ADSL: variants seen among roughly 807,000 people sequenced by gnomAD.
ADSL encodes adenylosuccinate lyase.
A neutral mutation model predicts 62.1 loss-of-function variants in ADSL; 44 were observed. That is an observed-to-expected ratio of 0.71 (90% CI 0.56 to 0.91). The LOEUF is 0.91. ADSL is among the 40% of genes least tolerant of loss of function. The pLI is 0.00. For missense variants in ADSL, 531 were observed against 627.4 expected (o/e 0.85, Z 1.64); for synonymous variants, 198 against 220.5 (o/e 0.90, Z 0.90).
intron 2 of ADSL, among the ~76,000 whole-genome samples, chr22:40,350,517 T>G (rs1942054821): frequency 6.6e-6 from 1 of 152,190 alleles, no homozygotes; most frequent in African/African-American, 2.4e-5. Flanking sequence ...AAGCACCAAA[T>G]GACCTCTATA....
At chr22:40,379,949 G>C (rs1457360852) in intron 2 of ADSL, among the ~76,000 whole-genome samples, 1 of 152,126 alleles carries the variant, frequency 6.6e-6, no homozygotes, top group East Asian at 1.9e-4. Context: ...GGGCTCAAGT[G>C]ATCCACCCTC....
chr22:40,360,429 T>C lies in ADSL; in HGVS notation c.729T>C (p.Tyr243=). The C allele has an allele frequency of 1.2e-6, 2 of 1,613,910 alleles. No homozygotes were observed. Among genetic ancestry groups the C allele is most frequent in the Middle Eastern group, 1.7e-4 (1 of 5,940 alleles). The change falls in exon 7 of 13, where the codon TAT becomes TAC. Residue 243 remains tyrosine (Y), a synonymous_variant. Coordinates refer to ENST00000623063, the MANE Select transcript of ADSL (RefSeq NM_000026.4). ...CTTTCATCATCACAGGGCAGACATATACACGAAAAGTGGATATTGAAGTAC... is the reference window on the plus strand; with the variant it reads ...CTTTCATCATCACAGGGCAGACATACACACGAAAAGTGGATATTGAAGTAC... ...KRAFIITGQT[Y]TRKVDIEVLS...
chr22:40,379,099 C>A (rs1247460238), intron 2 of ADSL, among the ~76,000 whole-genome samples: 2 of 152,206 alleles, frequency 1.3e-5, no homozygotes, highest in Non-Finnish European at 2.9e-5. Flanking sequence ...CACTATTCAT[C>A]TGACATACAG....
chr22:40,384,596 C>T (rs1237403368), intron 2 of ADSL, among the ~76,000 whole-genome samples: 4 of 152,124 alleles, frequency 2.6e-5, no homozygotes, highest in East Asian at 1.9e-4. Flanking sequence ...CTGGCTAACA[C>T]GGTGAAACCC....
At chr22:40,380,363 AATT>A (rs973902182) in intron 2 of ADSL, among the ~76,000 whole-genome samples, 5 of 140,930 alleles carry the variant, frequency 3.5e-5, no homozygotes, top group African/African-American at 1.3e-4. Flanking sequence ...GAATATCTAT[AATT>A]TTTTTTTTTT....
At chr22:40,370,354 CAAAAAAAAA>C (rs11328048), downstream of ADSL, among the ~76,000 whole-genome samples, 13 of 86,378 alleles carry the variant, frequency 1.5e-4, no homozygotes, top group Non-Finnish European at 2.2e-4. Flanking sequence ...GACTCCATCT[CAAAAAAAAA>C]AAAAAAAAAA....
At chr22:40,374,898 G>C (rs2046298744) in intron 2 of ADSL, among the ~76,000 whole-genome samples, 2 of 152,108 alleles carry the variant, frequency 1.3e-5, no homozygotes, top group African/African-American at 4.8e-5. Context: ...CAAACACATT[G>C]TACCAGTACT....
chr22:40,353,160 A>G, intron 3 of ADSL, 43 bp downstream of exon 3: 9 of 1,502,932 alleles, frequency 6.0e-6, no homozygotes, highest in Non-Finnish European at 8.3e-6. Flanking sequence ...TAGATTCCCT[A>G]TGTTAGGAGA....
chr22:40,353,545 A>G (rs1042513796), intron 3 of ADSL: 1 of 613,738 alleles, frequency 1.6e-6, no homozygotes, highest in Non-Finnish European at 2.9e-6. Context: ...TGGCCTTTCA[A>G]AGTGTTGGGA....
chr22:40,372,122 C>CTTTTTTTTTTTTTT (rs58396730), downstream of ADSL, among the ~76,000 whole-genome samples: 1 of 65,200 alleles, frequency 1.5e-5, no homozygotes, highest in Non-Finnish European at 2.7e-5. Flanking sequence ...TCCCCCCCCC[C>CTTTTTTTTTTTTTT]TTTTTTTTTT....
At chr22:40,357,506 G>A (rs1372962831) in intron 4 of ADSL, among the ~76,000 whole-genome samples, 2 of 152,184 alleles carry the variant, frequency 1.3e-5, no homozygotes, top group African/African-American at 4.8e-5. Flanking sequence ...GCCCTCCTTG[G>A]CCTCCCAAAG....
intron 4 of ADSL, among the ~76,000 whole-genome samples, chr22:40,356,874 C>T (rs1160948977): frequency 2.0e-5 from 3 of 152,008 alleles, no homozygotes; most frequent in African/African-American, 7.2e-5. Flanking sequence ...ATTAGGGCAA[C>T]TTATTCATAA....
rs764157832 is a variant in ADSL, at chr22:40,364,258, C to G, written c.1102-18C>G. 1.0e-4 allele frequency: 166 copies of G among 1,611,366 alleles called. No individual in the cohort carries two copies. The highest frequency in any genetic ancestry group is 1.3e-4 in the Non-Finnish European group (149 of 1,178,358). ...TTGAGGCACCTTTCTTGGTCATTCACCGTATCTTTTCCTATAGGTAATTGA... is the reference window on the plus strand; with the variant it reads ...TTGAGGCACCTTTCTTGGTCATTCAGCGTATCTTTTCCTATAGGTAATTGA... On this transcript the variant is annotated intron_variant, in intron 10 of 12. Transcript: ENST00000623063.
chr22:40,347,523 A>G (rs1212242532), intron 1 of ADSL, among the ~76,000 whole-genome samples: 1 of 152,236 alleles, frequency 6.6e-6, no homozygotes, highest in African/African-American at 2.4e-5. Flanking sequence ...ACAACGAGCA[A>G]GTTGGCAATG....
chr22:40,374,457 G>T (rs979420060), intron 2 of ADSL, among the ~76,000 whole-genome samples: 1 of 152,236 alleles, frequency 6.6e-6, no homozygotes, highest in South Asian at 2.1e-4. Flanking sequence ...GAGTCTGACA[G>T]ATCTGGTAAC....
chr22:40,346,527 C>G lies in ADSL; in HGVS notation c.-32C>G. The G allele has an allele frequency of 6.3e-7, 1 of 1,589,960 alleles. No homozygotes were observed. Among genetic ancestry groups the G allele is most frequent in the Non-Finnish European group, 8.5e-7 (1 of 1,172,018 alleles). ...GTTTCCGCTTCCGCTCTTCCCTGGT[C>G]CAGTCCACCCTGGCGGGGTCGCAGG... is the stretch of plus-strand genomic sequence containing the variant. On this transcript the variant is annotated 5_prime_UTR_variant, in exon 1 of 13. Transcript: ENST00000623063.
rs758485722 is a variant in ADSL at position 40,366,544 on chromosome 22, A to G, written c.*22A>G. ...GTAGAGTTGGAAGAGAATTAAACGA[A>G]AATCATTGTTAATTGCTGAGGCATG... On this transcript the variant is annotated 3_prime_UTR_variant, in exon 13 of 13. Coordinates refer to ENST00000623063, the MANE Select transcript of ADSL (RefSeq NM_000026.4). The G allele has an allele frequency of 6.5e-7, 1 of 1,548,320 alleles. No individual in the cohort carries two copies. Among genetic ancestry groups the G allele is most frequent in the Non-Finnish European group, 8.9e-7 (1 of 1,120,050 alleles).
rs1381046143 is a variant in ADSL, at chr22:40,368,155, G to T, written c.*1633G>T. The T allele has an allele frequency of 6.6e-6, 1 of 152,196 alleles. No homozygotes were observed. The highest frequency in any genetic ancestry group is 1.9e-4 in the East Asian group (1 of 5,194). 9.4% of individuals were successfully genotyped at this position (152,196 alleles called of 1,614,324 possible). A position where few individuals can be genotyped will look rare whatever the true frequency, so the allele number is the denominator to read the frequency against. ...TTGCCAGGTGCAGGAAGAGTGACTT[G>T]ATTGTGTGTTGCCCCAAGAGACACA... On this transcript the variant is annotated 3_prime_UTR_variant, in exon 13 of 13. Transcript: ENST00000623063.
chr22:40,363,502 G>A (rs761964228), intron 10 of ADSL, among the ~76,000 whole-genome samples: 1 of 152,118 alleles, frequency 6.6e-6, no homozygotes, highest in Non-Finnish European at 1.5e-5. Context: ...TTGGGAGGCC[G>A]AGGCGGGCAG....
Sources: allele counts gnomAD v4.1 joint callset (sites outside exome capture counted in the v4.1 genomes callset), GRCh38; gene constraint gnomAD v4.1.1; transcripts MANE v1.5; gene names NCBI Gene and HGNC (gene_info 2026-07-23, HGNC 2026-07-21).